The following KIF6 variants were observed in gnomAD, a reference collection of about 807,000 sequenced individuals.
The protein encoded by KIF6 is kinesin family member 6.
Under a neutral mutation model 112.7 loss-of-function variants are expected in KIF6, and 106 were observed. That is an observed-to-expected ratio of 0.94 (90% CI 0.80 to 1.11). KIF6 has a LOEUF of 1.11. Among genes scored for constraint, KIF6 ranks in the 50% least tolerant of loss-of-function variants. KIF6 has a pLI of 0.00. For synonymous variants in KIF6, 339 were observed against 339.9 expected, an observed-to-expected ratio of 1.00 and a Z score of 0.03; for missense variants, 929 against 964.0, an observed-to-expected ratio of 0.96 and a Z score of 0.48.
In KIF6 at chr6:39,331,376, T is replaced by C. The variant is rs1003007820; in HGVS notation, c.*5156A>G. On this transcript the variant is annotated 3_prime_UTR_variant, in exon 23 of 23. Transcript: ENST00000287152. ...TCAGATTGTCTTGCTTACTTGTTTATTGTCCCTCTCTTTTTTTTTTTTTCA... is the reference window on the plus strand; with the variant it reads ...TCAGATTGTCTTGCTTACTTGTTTACTGTCCCTCTCTTTTTTTTTTTTTCA... The C allele has an allele frequency of 4.0e-5, 6 of 148,630 alleles. No homozygotes were observed. Among genetic ancestry groups the C allele is most frequent in the African/African-American group, 1.0e-4 (4 of 38,222 alleles). The allele number at this position is 148,630 out of a possible 1,614,324, so 9.2% of individuals were successfully genotyped here.
intron 13 of KIF6, among the ~76,000 whole-genome samples, chr6:39,507,704 C>T (rs1397062547): frequency 1.4e-5 from 2 of 143,196 alleles, no homozygotes; most frequent in Non-Finnish European, 3.1e-5. Context: ...TCCTTCCTTC[C>T]TCCCTCCCTC....
chr6:39,536,796 C>T (rs1360143136), intron 13 of KIF6, among the ~76,000 whole-genome samples: 1 of 152,118 alleles, frequency 6.6e-6, no homozygotes, highest in African/African-American at 2.4e-5. Flanking sequence ...CCCTGATGAA[C>T]ATTGATGCAA....
At chr6:39,350,717 G>A (rs898865741) in intron 19 of KIF6, among the ~76,000 whole-genome samples, 3 of 152,182 alleles carry the variant, frequency 2.0e-5, no homozygotes, top group Non-Finnish European at 2.9e-5. Flanking sequence ...CTGTAGGCCC[G>A]TTACTACCAG....
chr6:39,696,111 G>T (rs1298003960), intron 3 of KIF6, among the ~76,000 whole-genome samples: 4 of 152,104 alleles, frequency 2.6e-5, no homozygotes, highest in Non-Finnish European at 4.4e-5. Flanking sequence ...GGAACAATAA[G>T]CACTGGGGAT....
chr6:39,663,765 GA>G (rs1308602096), intron 3 of KIF6, among the ~76,000 whole-genome samples: 2 of 151,878 alleles, frequency 1.3e-5, no homozygotes, highest in Admixed American at 1.3e-4. Flanking sequence ...TTTTGTTAAA[GA>G]AAAAAACAGT....
intron 13 of KIF6, among the ~76,000 whole-genome samples, chr6:39,462,655 C>T (rs551698412): frequency 6.6e-6 from 1 of 152,096 alleles, no homozygotes; most frequent in East Asian, 1.9e-4. Context: ...GGGGTGGAGC[C>T]AGATAATGGA....
chr6:39,627,156 T>C (rs1784134219), intron 5 of KIF6, among the ~76,000 whole-genome samples: 1 of 152,106 alleles, frequency 6.6e-6, no homozygotes, highest in African/African-American at 2.4e-5. Context: ...CTACTAACTG[T>C]CACAGAACAA....
intron 3 of KIF6, among the ~76,000 whole-genome samples, chr6:39,660,723 T>G (rs1039607034): frequency 1.3e-5 from 2 of 152,188 alleles, no homozygotes; most frequent in African/African-American, 4.8e-5. Context: ...TAAAAAACTT[T>G]ACAGCAACTT....
chr6:39,573,125 G>A (rs1264208844), intron 10 of KIF6, among the ~76,000 whole-genome samples: 4 of 151,938 alleles, frequency 2.6e-5, no homozygotes, highest in East Asian at 3.9e-4. Context: ...GGACAGAGAA[G>A]TAGAAGAGGA....
At position 39,528,278 on chromosome 6, in the gene KIF6, C is replaced by T. The variant is rs139857664; in HGVS notation, c.1645+11725G>A. Among the ~76,000 whole-genome samples, 1,050 of 152,276 alleles carry T rather than the reference C, an allele frequency of 6.9e-3. 10 individuals are homozygous for T. Among genetic ancestry groups the T allele is most frequent in the Middle Eastern group, 0.054 (16 of 294 alleles). Reference sequence around the variant, plus strand: ...ATCCCCAGTTCCATCTATGTTGTCACAAATGGCAAAAAGTCTTTCCTTTTA... The same window carrying T: ...ATCCCCAGTTCCATCTATGTTGTCATAAATGGCAAAAAGTCTTTCCTTTTA... On this transcript the variant is annotated intron_variant, in intron 13 of 22. Coordinates refer to ENST00000287152, the MANE Select transcript of KIF6 (RefSeq NM_145027.6).
At position 39,331,386 on chromosome 6, in the gene KIF6, C is replaced by CT. The variant is rs58611533; in HGVS notation, c.*5145dup. On this transcript the variant is annotated 3_prime_UTR_variant, in exon 23 of 23. Coordinates refer to ENST00000287152, the MANE Select transcript of KIF6 (RefSeq NM_145027.6). ...TTGCTTACTTGTTTATTGTCCCTCT[C>CT]TTTTTTTTTTTTTCAGAGAAGGAGT... is the stretch of plus-strand genomic sequence containing the variant. The CT allele has an allele frequency of 0.08, 11,631 of 145,330 alleles. 534 individuals carry two copies. Among genetic ancestry groups the CT allele is most frequent in the African/African-American group, 0.13 (5,302 of 39,802 alleles). 9.0% of individuals were successfully genotyped at this position (145,330 alleles called of 1,614,324 possible). A position where few individuals can be genotyped will look rare whatever the true frequency, so the allele number is the denominator to read the frequency against.
Position 39,462,231 on chromosome 6 carries a change from G to C in KIF6, c.1646-31070C>G, listed in dbSNP as rs578228097. Among the ~76,000 whole-genome samples, 59 of 152,272 alleles carry C rather than the reference G, an allele frequency of 3.9e-4. No individual in the cohort carries two copies. The South Asian group carries it at 0.011, about 28-fold the overall frequency. On this transcript the variant is annotated intron_variant, in intron 13 of 22. Transcript: ENST00000287152. ...TTCTTGGAAGGCTTTTTGCTTTCCT[G>C]ATAAAGAGACAAACTCAAGAGGAGA... is the stretch of plus-strand genomic sequence containing the variant.
At chr6:39,582,183 TCTC>T (rs1781333864) in intron 9 of KIF6, among the ~76,000 whole-genome samples, 1 of 152,192 alleles carries the variant, frequency 6.6e-6, no homozygotes, top group Admixed American at 6.5e-5. Context: ...ACCAAATTAT[TCTC>T]CTGTCTTATT....
At chr6:39,543,561 T>C (rs893843367) in intron 12 of KIF6, among the ~76,000 whole-genome samples, 18 of 152,216 alleles carry the variant, frequency 1.2e-4, no homozygotes, top group Non-Finnish European at 2.4e-4. Flanking sequence ...TTCCTTTATG[T>C]AGACTATTTT....
intron 13 of KIF6, among the ~76,000 whole-genome samples, chr6:39,446,353 C>T (rs1398678880): frequency 1.3e-5 from 2 of 152,296 alleles, no homozygotes; most frequent in African/African-American, 2.4e-5. Context: ...CTCCCCTACC[C>T]CTCAGGCCAT....
At chr6:39,692,747 G>T (rs1016051729) in intron 3 of KIF6, among the ~76,000 whole-genome samples, 1 of 152,028 alleles carries the variant, frequency 6.6e-6, no homozygotes, top group Non-Finnish European at 1.5e-5. Flanking sequence ...TTTACTGATG[G>T]TTAATTAATA....
chr6:39,361,444 A>G (rs1181504317), intron 17 of KIF6, among the ~76,000 whole-genome samples: 1 of 151,616 alleles, frequency 6.6e-6, no homozygotes, highest in African/African-American at 2.4e-5. Flanking sequence ...CTGTAATCCC[A>G]GCTACTCAAG....
At chr6:39,550,449 T>C (rs928413609) in intron 10 of KIF6, among the ~76,000 whole-genome samples, 3 of 152,176 alleles carry the variant, frequency 2.0e-5, no homozygotes, top group African/African-American at 7.2e-5. Context: ...AGCAGAAGCA[T>C]GCAGCAGCAC....
At chr6:39,597,967 A>T (rs530002146) in intron 6 of KIF6, among the ~76,000 whole-genome samples, 7 of 152,268 alleles carry the variant, frequency 4.6e-5, no homozygotes, top group African/African-American at 1.4e-4. Flanking sequence ...GGAGTTTGAG[A>T]CCAGCCTGAC....
Sources: gnomAD v4.1 joint callset for allele counts (sites outside exome capture counted in the v4.1 genomes callset) on GRCh38, gnomAD v4.1.1 for gene constraint, MANE v1.5 for transcripts, NCBI Gene and HGNC (gene_info 2026-07-23, HGNC 2026-07-21) for gene names.